The following PEX5 variants were observed in gnomAD, a reference collection of about 807,000 sequenced individuals.
The protein encoded by PEX5 is PTS1 receptor.
A neutral mutation model predicts 82.9 loss-of-function variants in PEX5; 52 were observed. The ratio of observed to expected loss-of-function variants is 0.63; its 90% CI spans 0.50 to 0.79. The LOEUF is 0.79. Ranked by LOEUF, PEX5 falls within the 30% of genes least tolerant of loss-of-function variation. PEX5 has a pLI of 0.00. For synonymous variants in PEX5, 300 were observed against 318.8 expected, an observed-to-expected ratio of 0.94 and a Z score of 0.63; for missense variants, 719 against 815.2, an observed-to-expected ratio of 0.88 and a Z score of 1.44.
At chr12:7,204,711 G>T (rs1272373312) in intron 10 of PEX5, among the ~76,000 whole-genome samples, 2 of 152,160 alleles carry the variant, frequency 1.3e-5, no homozygotes, top group Non-Finnish European at 2.9e-5. Flanking sequence ...GTACATTTAT[G>T]TAAAAATGTC....
chr12:7,191,871 A>G (rs1478077217), intron 5 of PEX5, among the ~76,000 whole-genome samples, 171 bp downstream of exon 5: 2 of 152,252 alleles, frequency 1.3e-5, no homozygotes, highest in African/African-American at 4.8e-5. Context: ...TGTAATGTAT[A>G]TTAAAGAGAG....
chr12:7,193,029 A>G (rs970911241), intron 5 of PEX5, among the ~76,000 whole-genome samples: 2 of 152,232 alleles, frequency 1.3e-5, no homozygotes, highest in Non-Finnish European at 2.9e-5. Context: ...AAGGTAGAAC[A>G]GTAGGTGCTC....
downstream of PEX5, among the ~76,000 whole-genome samples, chr12:7,213,032 C>T (rs775318296): frequency 9.9e-5 from 15 of 152,038 alleles, no homozygotes; most frequent in South Asian, 3.1e-3. Context: ...ATGTGAAGGA[C>T]CTCTTCAAGG....
At chr12:7,217,698 C>T (rs560211716) in intron 17 of PEX5, among the ~76,000 whole-genome samples, 1 of 152,266 alleles carries the variant, frequency 6.6e-6, no homozygotes, top group East Asian at 1.9e-4. Context: ...GGCCGCCTGT[C>T]CCTGTGGAGA....
In PEX5 at chr12:7,210,238, G is replaced by A. The variant is rs1199042994; in HGVS notation, c.*15G>A. On this transcript the variant is annotated 3_prime_UTR_variant, in exon 16 of 16. Transcript: ENST00000675855. ...TGCCCCAGTGACAGTGGGACGGGCT[G>A]CCCTGTGAGTGTCCACCTGGAGGGA... The A allele has an allele frequency of 6.2e-7, 1 of 1,611,176 alleles. No individual in the cohort carries two copies. The highest frequency in any genetic ancestry group is 8.5e-7 in the Non-Finnish European group (1 of 1,177,742).
rs1029224048 is a variant in PEX5 at position 7,202,065 on chromosome 12, T to C, written c.643-176T>C. On this transcript the variant is annotated intron_variant, in intron 7 of 15. Transcript: ENST00000675855. ...TTTTTCTGATGCCTTTGCAAGTCTT[T>C]AGAGCCAGAAATCCCTTTCTTTTTG... 4 of 1,009,830 alleles carry C rather than the reference T, an allele frequency of 4.0e-6. No homozygotes were observed. The Admixed American group carries it at 6.2e-5, about 16-fold the overall frequency. The allele number at this position is 1,009,830 out of a possible 1,614,324, so 62.6% of individuals were successfully genotyped here.
Position 7,210,242 on chromosome 12 carries a change from T to G in PEX5, c.*19T>G. 6.2e-7 allele frequency: 1 copy of G among 1,610,154 alleles called. No homozygotes were observed. The highest frequency in any genetic ancestry group is 8.5e-7 in the Non-Finnish European group (1 of 1,176,784). ...CCAGTGACAGTGGGACGGGCTGCCCTGTGAGTGTCCACCTGGAGGGATCCC... is the reference window on the plus strand; with the variant it reads ...CCAGTGACAGTGGGACGGGCTGCCCGGTGAGTGTCCACCTGGAGGGATCCC... On this transcript the variant is annotated 3_prime_UTR_variant, in exon 16 of 16. Coordinates refer to ENST00000675855, the MANE Select transcript of PEX5 (RefSeq NM_001351132.2).
chr12:7,196,198 T>C (rs1181289373), intron 5 of PEX5, among the ~76,000 whole-genome samples: 1 of 139,578 alleles, frequency 7.2e-6, no homozygotes, highest in Non-Finnish European at 1.5e-5. Context: ...TAATGTAATA[T>C]ATGTTATGTA....
chr12:7,191,397 A>G (rs191438792), intron 4 of PEX5, 39 bp downstream of exon 4: 9 of 1,613,836 alleles, frequency 5.6e-6, no homozygotes, highest in East Asian at 2.2e-5. Flanking sequence ...ATCGTTTTCC[A>G]TGTAGCCAGG....
chr12:7,202,359 A>G lies in PEX5; in HGVS notation c.753+8A>G. The G allele has an allele frequency of 1.2e-6, 2 of 1,614,018 alleles. No homozygotes were observed. The highest frequency in any genetic ancestry group is 1.7e-6 in the Non-Finnish European group (2 of 1,179,964). On this transcript the variant is annotated splice_region_variant and intron_variant, in intron 8 of 15. Coordinates refer to ENST00000675855, the MANE Select transcript of PEX5 (RefSeq NM_001351132.2). ...GAGTTTATACAGCAGCAGGTAGGAC[A>G]TTGTCACTTTCCAGTCCCACTTCAG...
Position 7,201,792 on chromosome 12 carries a change from C to T in PEX5, c.593C>T (p.Ala198Val). The change falls in exon 7 of 16, where the codon GCC (alanine) becomes GTC (valine). Residue 198 changes from alanine to valine, a missense_variant. Transcript: ENST00000675855. ...YHPEEDLQHTASDFVAKVDDP... is the reference protein window; with the variant it reads ...YHPEEDLQHTVSDFVAKVDDP... ...CCTGAGGAGGATCTGCAGCACACGG[C>T]CAGTGACTTTGTGGCCAAAGTGGAT... is the stretch of plus-strand genomic sequence containing the variant. 1 of 1,613,914 alleles carries T rather than the reference C, an allele frequency of 6.2e-7. No homozygotes were observed. The highest frequency in any genetic ancestry group is 2.2e-5 in the East Asian group (1 of 44,878).
Position 7,209,824 on chromosome 12 carries a change from A to G in PEX5, c.1702A>G (p.Asn568Asp). Residue 568 changes from asparagine to aspartate, a missense_variant, in exon 15 of 16, where the codon AAC (asparagine) becomes GAC (aspartate). Coordinates refer to ENST00000675855, the MANE Select transcript of PEX5 (RefSeq NM_001351132.2). ...SRYNLGISCINLGAHREAVEH... is the reference protein window; with the variant it reads ...SRYNLGISCIDLGAHREAVEH... Reference sequence around the variant, plus strand: ...CTATAACCTGGGCATCAGCTGCATCAACCTCGGGGCTCACCGGTGAGAGTA... The same window carrying G: ...CTATAACCTGGGCATCAGCTGCATCGACCTCGGGGCTCACCGGTGAGAGTA... 6.2e-7 allele frequency: 1 copy of G among 1,614,200 alleles called. No individual in the cohort carries two copies. The highest frequency in any genetic ancestry group is 8.5e-7 in the Non-Finnish European group (1 of 1,180,038).
At chr12:7,193,289 A>C (rs1157469304) in intron 5 of PEX5, among the ~76,000 whole-genome samples, 2 of 142,420 alleles carry the variant, frequency 1.4e-5, no homozygotes, top group East Asian at 4.0e-4. Flanking sequence ...GGTGGAGTGC[A>C]GCGGTGCAAT....
chr12:7,212,520 C>CAACT (rs1565730927), downstream of PEX5, among the ~76,000 whole-genome samples: 1 of 128,534 alleles, frequency 7.8e-6, no homozygotes, highest in South Asian at 2.4e-4. Context: ...GTCTAAAAGA[C>CAACT]AACTGGGTAA....
chr12:7,193,415 G>A lies in PEX5; in HGVS notation c.448+1715G>A, dbSNP rs1941529111. Among the ~76,000 whole-genome samples, 3 of 151,972 alleles carry A rather than the reference G, an allele frequency of 2.0e-5. No individual in the cohort carries two copies. The South Asian group carries it at 6.2e-4, about 32-fold the overall frequency. The stretch of plus-strand genomic sequence containing the variant: ...TGCCCGGCTAATTTTGGTATTTTTA[G>A]TAGAGACAGGGTTTCACCATGTTGG... On this transcript the variant is annotated intron_variant, in intron 5 of 15. Coordinates refer to ENST00000675855, the MANE Select transcript of PEX5 (RefSeq NM_001351132.2).
At chr12:7,193,592 TC>T (rs1941572033) in intron 5 of PEX5, among the ~76,000 whole-genome samples, 1 of 152,170 alleles carries the variant, frequency 6.6e-6, no homozygotes, top group African/African-American at 2.4e-5. Flanking sequence ...AAAGACCCTC[TC>T]CAAGACAGAA....
At chr12:7,193,779 TCTTC>T (rs1941610530) in intron 5 of PEX5, among the ~76,000 whole-genome samples, 1 of 152,214 alleles carries the variant, frequency 6.6e-6, no homozygotes, top group African/African-American at 2.4e-5. Flanking sequence ...GCCATTGAAA[TCTTC>T]CTTAACTTGA....
chr12:7,206,542 A>C (rs967159010), intron 10 of PEX5, among the ~76,000 whole-genome samples: 2 of 151,106 alleles, frequency 1.3e-5, no homozygotes, highest in African/African-American at 4.8e-5. Flanking sequence ...CTTGTTTTCA[A>C]TATAAATATA....
At chr12:7,192,528 A>T (rs1941343133) in intron 5 of PEX5, among the ~76,000 whole-genome samples, 1 of 152,198 alleles carries the variant, frequency 6.6e-6, no homozygotes, top group Non-Finnish European at 1.5e-5. Context: ...AGCCTATCTA[A>T]TCAGGTACAT....
Sources: allele counts gnomAD v4.1 joint callset (sites outside exome capture counted in the v4.1 genomes callset), GRCh38; gene constraint gnomAD v4.1.1; transcripts MANE v1.5; gene names NCBI Gene and HGNC (gene_info 2026-07-23, HGNC 2026-07-21).